The following DAB1 variants were observed in gnomAD, a reference collection of about 807,000 sequenced individuals.
DAB1 encodes the protein disabled homolog 1.
DAB1 carries 15 observed loss-of-function variants against 64.6 expected under a neutral mutation model. That is an observed-to-expected ratio of 0.23 (90% confidence interval 0.16 to 0.36). The LOEUF is 0.36. Ranked by LOEUF, DAB1 falls within the 10% of genes least tolerant of loss-of-function variation. DAB1 has a pLI of 1.00. For synonymous variants in DAB1, 235 were observed against 251.9 expected (o/e 0.93, Z 0.64); for missense variants, 596 against 706.7 (o/e 0.84, Z 1.78).
chr1:57,676,602 T>C (rs374524815), intron 6 of DAB1, among the ~76,000 whole-genome samples: 33 of 152,292 alleles, frequency 2.2e-4, no homozygotes, highest in African/African-American at 7.9e-4. Context: ...CAGAAAACGA[T>C]AACTATTGGC....
intron 9 of DAB1, among the ~76,000 whole-genome samples, chr1:57,049,173 T>G (rs1173007544): frequency 6.6e-6 from 1 of 152,060 alleles, no homozygotes; most frequent in South Asian, 2.1e-4. Flanking sequence ...GAAAGGCTGA[T>G]GTACAAACAG....
At chr1:57,628,392 A>G (rs10889058) in intron 7 of DAB1, among the ~76,000 whole-genome samples, 67,563 of 152,100 alleles carry the variant, frequency 0.44, 17,155 homozygotes, top group East Asian at 0.69. Context: ...TATTGTGGCT[A>G]TCTTAGTAAA....
intron 4 of DAB1, among the ~76,000 whole-genome samples, chr1:58,332,825 T>C (rs1051011884): frequency 1.3e-5 from 2 of 152,210 alleles, no homozygotes; most frequent in African/African-American, 4.8e-5. Flanking sequence ...GTCAGCTTTA[T>C]TTTCTCTCAT....
chr1:57,272,320 GGTGTCTCCT>G (rs1671077927), intron 2 of DAB1, among the ~76,000 whole-genome samples: 1 of 152,168 alleles, frequency 6.6e-6, no homozygotes, highest in Admixed American at 6.5e-5. Context: ...AGCTGAAGTG[GGTGTCTCCT>G]GTATTGCCAC....
intron 1 of DAB1, among the ~76,000 whole-genome samples, chr1:57,831,574 C>T (rs1411700581): frequency 7.1e-6 from 1 of 140,504 alleles, no homozygotes; most frequent in Non-Finnish European, 1.5e-5. Flanking sequence ...AAGGGTCTTA[C>T]CCTGCTACCC....
At chr1:57,979,186 G>T (rs1267645594) in intron 5 of DAB1, among the ~76,000 whole-genome samples, 1 of 152,156 alleles carries the variant, frequency 6.6e-6, no homozygotes, top group Non-Finnish European at 1.5e-5. Flanking sequence ...ATAATAGACT[G>T]GATAAAGAAA....
At chr1:57,870,108 C>T (rs796451881) in intron 1 of DAB1, among the ~76,000 whole-genome samples, 1 of 152,248 alleles carries the variant, frequency 6.6e-6, no homozygotes, top group African/African-American at 2.4e-5. Context: ...TGGGGGCAAT[C>T]ATACCTACCT....
intron 6 of DAB1, among the ~76,000 whole-genome samples, chr1:57,667,511 A>G (rs1646462166): frequency 6.6e-6 from 1 of 152,030 alleles, no homozygotes; most frequent in South Asian, 2.1e-4. Context: ...GTCATTTTCT[A>G]TGTTTTGTGT....
At chr1:57,039,447 A>C (rs894832050) in intron 9 of DAB1, among the ~76,000 whole-genome samples, 3 of 152,082 alleles carry the variant, frequency 2.0e-5, no homozygotes, top group Non-Finnish European at 4.4e-5. Flanking sequence ...AATTTGGGTG[A>C]TATTAGTTTA....
intron 5 of DAB1, among the ~76,000 whole-genome samples, chr1:57,972,291 T>C (rs2802901): frequency 0.8 from 121,142 of 152,110 alleles, 49,866 homozygotes; most frequent in Middle Eastern, 0.91. Flanking sequence ...GGCTGAAGTG[T>C]AGTTGTACAA....
intron 1 of DAB1, among the ~76,000 whole-genome samples, chr1:57,353,114 TAC>T (rs10572319): frequency 0.32 from 46,223 of 145,328 alleles, 7,408 homozygotes; most frequent in South Asian, 0.48. Context: ...TTTTTTTCCA[TAC>T]ACACACACAC....
intron 5 of DAB1, among the ~76,000 whole-genome samples, chr1:58,133,908 C>T (rs1207422892): frequency 3.3e-5 from 5 of 152,144 alleles, no homozygotes; most frequent in African/African-American, 4.8e-5. Context: ...TCTTCATGCT[C>T]TGCTCTTCTT....
intron 7 of DAB1, among the ~76,000 whole-genome samples, chr1:57,435,046 C>CTTTTT (rs71580850): frequency 1.4e-4 from 13 of 93,086 alleles, no homozygotes; most frequent in South Asian, 4.7e-4. Context: ...TTCTTTTTTT[C>CTTTTT]TTTTTTTTTT....
chr1:57,694,772 C>G (rs1333408792), intron 6 of DAB1, among the ~76,000 whole-genome samples: 1 of 152,114 alleles, frequency 6.6e-6, no homozygotes, highest in Non-Finnish European at 1.5e-5. Flanking sequence ...CCATCTTCAA[C>G]AGTGAACAAC....
chr1:58,294,302 A>G (rs905228264), intron 4 of DAB1, among the ~76,000 whole-genome samples: 2 of 152,182 alleles, frequency 1.3e-5, no homozygotes, highest in Non-Finnish European at 2.9e-5. Context: ...TATAAATCCT[A>G]TAGAAATTAA....
chr1:57,404,411 A>G (rs1249412265), intron 1 of DAB1, among the ~76,000 whole-genome samples: 1 of 152,216 alleles, frequency 6.6e-6, no homozygotes, highest in Non-Finnish European at 1.5e-5. Flanking sequence ...AATAGATGAT[A>G]TCTTTATTCC....
At chr1:57,710,435 A>G (rs1647014384) in intron 6 of DAB1, among the ~76,000 whole-genome samples, 1 of 152,214 alleles carries the variant, frequency 6.6e-6, no homozygotes, top group African/African-American at 2.4e-5. Flanking sequence ...TACAAACTTC[A>G]CTGTTGTCTA....
intron 4 of DAB1, among the ~76,000 whole-genome samples, chr1:58,319,800 C>T (rs765990821): frequency 3.3e-5 from 5 of 152,126 alleles, no homozygotes; most frequent in Admixed American, 6.6e-5. Context: ...GAACAACAGG[C>T]GTTGTCCAAT....
At chr1:58,122,854 C>T (rs1652834285) in intron 5 of DAB1, among the ~76,000 whole-genome samples, 1 of 151,976 alleles carries the variant, frequency 6.6e-6, no homozygotes, top group African/African-American at 2.4e-5. Flanking sequence ...AAATATTGTA[C>T]CAGTTATTGC....
Sources: gnomAD v4.1 joint callset for allele counts (sites outside exome capture counted in the v4.1 genomes callset) on GRCh38, gnomAD v4.1.1 for gene constraint, MANE v1.5 for transcripts, NCBI Gene and HGNC (gene_info 2026-07-23, HGNC 2026-07-21) for gene names.